ZSWIM6: variants seen among roughly 807,000 people sequenced by gnomAD.
The protein encoded by ZSWIM6 is zinc finger SWIM-type containing 6.
ZSWIM6 carries 9 observed loss-of-function variants against 113.2 expected under a neutral mutation model. That is an observed-to-expected ratio of 0.08 (90% CI 0.05 to 0.14). The LOEUF (loss-of-function observed/expected upper bound fraction) is 0.14, where lower values mean the gene tolerates loss of function less well. Among genes scored for constraint, ZSWIM6 ranks in the 10% least tolerant of loss-of-function variants. ZSWIM6 has a pLI of 1.00. For synonymous variants in ZSWIM6, 611 were observed against 606.5 expected, an observed-to-expected ratio of 1.01 and a Z score of -0.11; for missense variants, 1,162 against 1,552.2, an observed-to-expected ratio of 0.75 and a Z score of 4.22.
At chr5:61,515,991 T>C (rs996071968) in intron 4 of ZSWIM6, among the ~76,000 whole-genome samples, 1 of 152,094 alleles carries the variant, frequency 6.6e-6, no homozygotes, top group Non-Finnish European at 1.5e-5. Flanking sequence ...AGCTTTATTT[T>C]ATAGTGTTTT....
At chr5:61,483,550 T>C (rs1312136307) in intron 2 of ZSWIM6, among the ~76,000 whole-genome samples, 1 of 152,154 alleles carries the variant, frequency 6.6e-6, no homozygotes, top group Non-Finnish European at 1.5e-5. Context: ...ATTAAAGCAA[T>C]TTTAAAATCT....
intron 1 of ZSWIM6, among the ~76,000 whole-genome samples, chr5:61,383,413 T>A (rs1745525401): frequency 6.6e-6 from 1 of 152,210 alleles, no homozygotes; most frequent in African/African-American, 2.4e-5. Flanking sequence ...CTCCAGCAGC[T>A]GGCGGTAGTC....
Position 61,531,557 on chromosome 5 carries a change from G to A in ZSWIM6, c.2077G>A (p.Glu693Lys). 1 of 1,551,696 alleles carries A rather than the reference G, an allele frequency of 6.4e-7. No individual in the cohort carries two copies. The highest frequency in any genetic ancestry group is 8.7e-7 in the Non-Finnish European group (1 of 1,146,972). The change falls in exon 9 of 14, where the codon GAA (glutamate) becomes AAA (lysine). Residue 693 changes from glutamate (E) to lysine (K), a missense_variant. Glu to Lys is a moderately conservative substitution (Grantham distance 56). This residue lies in a region of ZSWIM6 where 620 missense variants were observed against 804.6 expected (regional missense o/e 0.77). Coordinates refer to ENST00000252744, the MANE Select transcript of ZSWIM6 (RefSeq NM_020928.2). ...GGAATCCTATTTAACGCTGGCTGTG[G>A]AAGTAGCCCTGATAGGGCTAGGACA... ...EGESYLTLAV[E>K]VALIGLGQQR...
intron 1 of ZSWIM6, among the ~76,000 whole-genome samples, chr5:61,384,133 C>G (rs867477332): frequency 6.7e-6 from 1 of 148,574 alleles, no homozygotes; most frequent in Non-Finnish European, 1.5e-5. Context: ...CCCAGCTACT[C>G]GGGAGGCTGA....
chr5:61,463,583 A>AGT (rs761281605), intron 1 of ZSWIM6, among the ~76,000 whole-genome samples: 26 of 152,230 alleles, frequency 1.7e-4, no homozygotes, highest in Admixed American at 2.0e-4. Context: ...ACATGCCAAG[A>AGT]GTGTGTGTGT....
intron 1 of ZSWIM6, among the ~76,000 whole-genome samples, chr5:61,394,343 T>C (rs1745794625): frequency 7.2e-5 from 11 of 152,190 alleles, no homozygotes. Flanking sequence ...TCAGGCAGTG[T>C]CTTCTCCAGG....
At chr5:61,392,806 TTC>T (rs1248049332) in intron 1 of ZSWIM6, among the ~76,000 whole-genome samples, 10 of 151,902 alleles carry the variant, frequency 6.6e-5, no homozygotes, top group African/African-American at 2.4e-4. Context: ...GAGACAGGGT[TTC>T]TCCATGTTGG....
At chr5:61,501,993 TCTC>T (rs1166211239) in intron 4 of ZSWIM6, among the ~76,000 whole-genome samples, 2 of 152,098 alleles carry the variant, frequency 1.3e-5, no homozygotes, top group Admixed American at 6.6e-5. Context: ...GCTAGGGAAG[TCTC>T]CTTACTAGGC....
chr5:61,354,263 A>G (rs575417970), intron 1 of ZSWIM6, among the ~76,000 whole-genome samples: 1 of 152,356 alleles, frequency 6.6e-6, no homozygotes, highest in Non-Finnish European at 1.5e-5. Context: ...GGCACAAGTT[A>G]AAAGCTTAGG....
intron 2 of ZSWIM6, among the ~76,000 whole-genome samples, chr5:61,483,051 A>T (rs1747920525): frequency 6.6e-6 from 1 of 152,218 alleles, no homozygotes; most frequent in Non-Finnish European, 1.5e-5. Context: ...ATAACAGAAT[A>T]CCAGAAATTG....
At chr5:61,535,269 G>C (rs1024408988) in intron 9 of ZSWIM6, among the ~76,000 whole-genome samples, 17 of 152,288 alleles carry the variant, frequency 1.1e-4, no homozygotes, top group East Asian at 5.8e-4. Context: ...CTAGCTGTGG[G>C]ACAGTTAGGG....
At chr5:61,371,173 C>T (rs866784246) in intron 1 of ZSWIM6, among the ~76,000 whole-genome samples, 1 of 152,026 alleles carries the variant, frequency 6.6e-6, no homozygotes, top group South Asian at 2.1e-4. Flanking sequence ...AATCCCTTGC[C>T]TTTTTAGATG....
At position 61,472,871 on chromosome 5, in the gene ZSWIM6, C is replaced by T; in HGVS notation, c.867C>T (p.Val289=). Residue 289 remains valine, a synonymous_variant, in exon 2 of 14, where the codon GTC becomes GTT. Transcript: ENST00000252744. The surrounding 1 kb of genome is among the most constrained non-coding windows in gnomAD (Gnocchi z 4.1). ...ACCGCATCCGCAAGCCAGATCAGGT[C>T]AAACTGCATCTTCCTATTTCAGAGA... The part of the protein sequence containing the change: ...SLYRIRKPDQ[V]KLHLPISETL... The T allele has an allele frequency of 6.4e-7, 1 of 1,551,696 alleles. No homozygotes were observed.
At chr5:61,448,315 C>T (rs1260174927) in intron 1 of ZSWIM6, among the ~76,000 whole-genome samples, 1 of 152,156 alleles carries the variant, frequency 6.6e-6, no homozygotes, top group Non-Finnish European at 1.5e-5. Flanking sequence ...TAACATAGTA[C>T]ATGACTCTTG....
rs565427388 is a variant in ZSWIM6 at position 61,499,919 on chromosome 5, T to G, written c.1333+5509T>G. Reference sequence around the variant, plus strand: ...GCACTTAATGCATGTGTTGTTTTATTTAATCCCTGAAACAATCCTGTGAAA... The same window carrying G: ...GCACTTAATGCATGTGTTGTTTTATGTAATCCCTGAAACAATCCTGTGAAA... On this transcript the variant is annotated intron_variant, in intron 4 of 13. Coordinates refer to ENST00000252744, the MANE Select transcript of ZSWIM6 (RefSeq NM_020928.2). Among the ~76,000 whole-genome samples, 11 of 152,252 alleles carry G rather than the reference T, an allele frequency of 7.2e-5. No homozygotes were observed. In the South Asian group the frequency reaches 2.1e-3, roughly 29 times the overall value.
At chr5:61,390,730 C>T (rs1745689366) in intron 1 of ZSWIM6, 3 of 794,968 alleles carry the variant, frequency 3.8e-6, no homozygotes, top group Non-Finnish European at 6.8e-6. Context: ...GCTGTCTTCT[C>T]CTCCATGGTC....
chr5:61,492,465 T>C (rs1748206495), intron 3 of ZSWIM6, among the ~76,000 whole-genome samples: 1 of 152,116 alleles, frequency 6.6e-6, no homozygotes, highest in Non-Finnish European at 1.5e-5. Context: ...CCCTTGTCCA[T>C]TGGGTGAGTT....
chr5:61,390,805 G>T (rs1745691063), intron 1 of ZSWIM6: 2 of 793,320 alleles, frequency 2.5e-6, no homozygotes, highest in East Asian at 4.9e-5. Flanking sequence ...TTCTCCAGAG[G>T]CCGCCGTTTG....
In ZSWIM6 at chr5:61,332,540, C is replaced by T; in HGVS notation, c.268C>T (p.Pro90Ser). 1 of 1,349,172 alleles carries T rather than the reference C, an allele frequency of 7.4e-7. No individual in the cohort carries two copies. Among genetic ancestry groups the T allele is most frequent in the Non-Finnish European group, 9.8e-7 (1 of 1,022,818 alleles). 83.6% of individuals were successfully genotyped at this position (1,349,172 alleles called of 1,614,324 possible). A position where few individuals can be genotyped will look rare whatever the true frequency, so the allele number is the denominator to read the frequency against. Residue 90 changes from proline to serine, a missense_variant, in exon 1 of 14, where the codon CCG becomes TCG. Around this residue, in one of 4 missense-constraint regions of ZSWIM6, gnomAD observed 333 missense variants for 293.4 expected, o/e 1.13. Coordinates refer to ENST00000252744, the MANE Select transcript of ZSWIM6 (RefSeq NM_020928.2). Reference sequence around the variant, plus strand: ...GGCGCGCAGGGTGGCGGAGAAGTGGCCGTTCCAGCGCGTGGAGGAGCGCTT... The same window carrying T: ...GGCGCGCAGGGTGGCGGAGAAGTGGTCGTTCCAGCGCGTGGAGGAGCGCTT... The part of the protein sequence containing the change: ...IAARRVAEKW[P>S]FQRVEERFER...
Sources: gnomAD v4.1 joint callset for allele counts (sites outside exome capture counted in the v4.1 genomes callset) on GRCh38, gnomAD v4.1.1 for gene constraint, gnomAD v4.1.1 regional missense constraint, Gnocchi (gnomAD v3.1) non-coding constraint, MANE v1.5 for transcripts, NCBI Gene and HGNC (gene_info 2026-07-23, HGNC 2026-07-21) for gene names.